The following CTNNA3 variants were observed in gnomAD, a reference collection of about 807,000 sequenced individuals.
CTNNA3 encodes catenin alpha 3.
In CTNNA3, 76 loss-of-function variants were observed where a neutral mutation model predicts 95.7. That is an observed-to-expected ratio of 0.79 (90% CI 0.66 to 0.96). The LOEUF (loss-of-function observed/expected upper bound fraction) is 0.96, where lower values mean the gene tolerates loss of function less well. CTNNA3 is among the 40% of genes least tolerant of loss of function. CTNNA3 has a pLI of 0.00. For missense variants in CTNNA3, 1,191 were observed against 1,089.8 expected, an observed-to-expected ratio of 1.09 and a Z score of -1.31; for synonymous variants, 431 against 374.4, an observed-to-expected ratio of 1.15 and a Z score of -1.74.
intron 7 of CTNNA3, among the ~76,000 whole-genome samples, chr10:66,848,671 T>C (rs947876370): frequency 3.3e-5 from 5 of 152,170 alleles, no homozygotes; most frequent in Non-Finnish European, 5.9e-5. Flanking sequence ...CATGTTGACA[T>C]TGTTAAAGTT....
chr10:67,281,073 C>T (rs1047278132), intron 5 of CTNNA3, among the ~76,000 whole-genome samples: 2 of 152,106 alleles, frequency 1.3e-5, no homozygotes, highest in Non-Finnish European at 2.9e-5. Context: ...TATCCTCCCT[C>T]CACCATTCTG....
chr10:66,929,316 C>T (rs1164821188), intron 7 of CTNNA3, among the ~76,000 whole-genome samples: 3 of 152,126 alleles, frequency 2.0e-5, no homozygotes, highest in Admixed American at 6.5e-5. Flanking sequence ...ATAAGGTTCG[C>T]GAATGGGAAA....
chr10:67,647,375 C>T, intron 2 of CTNNA3, 40 bp downstream of exon 2: 1 of 1,368,588 alleles, frequency 7.3e-7, no homozygotes, highest in Non-Finnish European at 1.0e-6. Context: ...TTTCATTCTT[C>T]TGCAGTTACT....
chr10:66,890,556 A>T (rs973066085), intron 7 of CTNNA3, among the ~76,000 whole-genome samples: 1 of 152,122 alleles, frequency 6.6e-6, no homozygotes, highest in African/African-American at 2.4e-5. Context: ...GGTAGCATGG[A>T]GATCTTCAAC....
intron 5 of CTNNA3, among the ~76,000 whole-genome samples, chr10:67,277,600 G>C (rs1237158540): frequency 6.6e-6 from 1 of 152,074 alleles, no homozygotes; most frequent in African/African-American, 2.4e-5. Context: ...CCTAGTCACA[G>C]GATGAGATGG....
At position 67,496,448 on chromosome 10, in the gene CTNNA3, A is replaced by T. The variant is rs1225915103; in HGVS notation, c.579+25394T>A. Among the ~76,000 whole-genome samples the T allele has an allele frequency of 6.9e-5, 9 of 131,038 alleles. No individual in the cohort carries two copies. The South Asian group carries it at 2.0e-3, about 29-fold the overall frequency. 86.0% of individuals were successfully genotyped at this position (131,038 alleles called of 152,430 possible). On this transcript the variant is annotated intron_variant, in intron 5 of 17. Transcript: ENST00000433211. ...TATTTTTTAATGCACTTGCCTTTTT[A>T]AAAAAAATCCAAACCTTCCAAATTG...
chr10:66,925,977 T>A, intron 7 of CTNNA3: 1 of 456,678 alleles, frequency 2.2e-6, no homozygotes, highest in Admixed American at 2.3e-5. Context: ...CACATGCCCA[T>A]AATGTTCTTC....
chr10:66,249,866 C>CT (rs1400530437), intron 13 of CTNNA3, among the ~76,000 whole-genome samples: 2 of 152,054 alleles, frequency 1.3e-5, no homozygotes, highest in Non-Finnish European at 2.9e-5. Flanking sequence ...AAAAATAGAA[C>CT]TAACATACAA....
At chr10:66,164,013 A>G (rs960602928) in intron 13 of CTNNA3, among the ~76,000 whole-genome samples, 4 of 152,208 alleles carry the variant, frequency 2.6e-5, no homozygotes, top group African/African-American at 7.2e-5. Context: ...CATGGGAGAA[A>G]GCATAAAAAT....
intron 12 of CTNNA3, among the ~76,000 whole-genome samples, chr10:66,338,206 C>A (rs57750876): frequency 0.066 from 10,028 of 151,906 alleles, 560 homozygotes; most frequent in East Asian, 0.23. Context: ...CACAAAGGAC[C>A]ACATGTTGCA....
intron 14 of CTNNA3, among the ~76,000 whole-genome samples, chr10:66,101,028 G>A (rs2081605291): frequency 6.6e-6 from 1 of 152,088 alleles, no homozygotes; most frequent in Admixed American, 6.6e-5. Context: ...ATTTCCTTTG[G>A]TCAATTACTT....
chr10:66,879,973 A>G (rs1281276917), intron 7 of CTNNA3, among the ~76,000 whole-genome samples: 2 of 152,102 alleles, frequency 1.3e-5, no homozygotes, highest in African/African-American at 2.4e-5. Context: ...GGAGGAAGGA[A>G]GGTTGAAGAT....
At position 67,652,352 on chromosome 10, in the gene CTNNA3, C is replaced by T. The variant is rs1839900378; in HGVS notation, c.-5-4834G>A. The stretch of plus-strand genomic sequence containing the variant: ...GCTTTCTGGCAGGTCTACCATTTCT[C>T]AGGGATTCCCAAGAAAGTTTCTGTT... On this transcript the variant is annotated intron_variant, in intron 1 of 17. Coordinates refer to ENST00000433211, the MANE Select transcript of CTNNA3 (RefSeq NM_013266.4). 2.0e-5 allele frequency among the ~76,000 whole-genome samples: 3 copies of T among 152,208 alleles called. No homozygotes were observed. The South Asian group carries it at 6.2e-4, about 31-fold the overall frequency.
At chr10:66,775,742 G>A (rs757457283) in intron 7 of CTNNA3, among the ~76,000 whole-genome samples, 7 of 152,068 alleles carry the variant, frequency 4.6e-5, no homozygotes, top group South Asian at 2.1e-4. Flanking sequence ...TAATATTTCC[G>A]ATACGGAGTT....
At chr10:66,138,906 A>T (rs757432377) in intron 13 of CTNNA3, among the ~76,000 whole-genome samples, 2 of 152,186 alleles carry the variant, frequency 1.3e-5, no homozygotes, top group Non-Finnish European at 2.9e-5. Flanking sequence ...CAATGATCAA[A>T]CATCTGGACC....
intron 5 of CTNNA3, among the ~76,000 whole-genome samples, chr10:67,424,925 T>C (rs914501431): frequency 6.6e-6 from 1 of 152,092 alleles, no homozygotes; most frequent in Non-Finnish European, 1.5e-5. Context: ...TCAAAAAACA[T>C]TTAATTTAAT....
chr10:67,024,400 T>C (rs1352403455), intron 7 of CTNNA3, among the ~76,000 whole-genome samples: 1 of 152,242 alleles, frequency 6.6e-6, no homozygotes, highest in Non-Finnish European at 1.5e-5. Context: ...TAATCCAGTA[T>C]CATTTCCCTA....
At chr10:66,675,673 A>G (rs544361283) in intron 9 of CTNNA3, among the ~76,000 whole-genome samples, 18 of 152,100 alleles carry the variant, frequency 1.2e-4, no homozygotes, top group Non-Finnish European at 2.5e-4. Context: ...GTTCATCTCA[A>G]AATTTCTGTG....
chr10:66,688,709 C>A (rs7092965), intron 9 of CTNNA3, among the ~76,000 whole-genome samples: 7 of 151,694 alleles, frequency 4.6e-5, no homozygotes, highest in Non-Finnish European at 1.0e-4. Context: ...CGGTGGCTCA[C>A]GCCTGTAATC....
Sources: gnomAD v4.1 joint callset for allele counts (sites outside exome capture counted in the v4.1 genomes callset) on GRCh38, gnomAD v4.1.1 for gene constraint, MANE v1.5 for transcripts, NCBI Gene and HGNC (gene_info 2026-07-23, HGNC 2026-07-21) for gene names.